Variants in SIRT1 observed in about 807,000 individuals in gnomAD.
The protein encoded by SIRT1 is sirtuin 1, also known as NAD-dependent protein deacetylase sirtuin-1.
SIRT1 carries 24 observed loss-of-function variants against 67.9 expected under a neutral mutation model. That is an observed-to-expected ratio of 0.35 (90% CI 0.26 to 0.50). The LOEUF (loss-of-function observed/expected upper bound fraction) is 0.50, where lower values mean the gene tolerates loss of function less well. SIRT1 is among the 20% of genes least tolerant of loss of function. SIRT1 has a pLI of 0.98. For synonymous variants in SIRT1, 378 were observed against 350.7 expected, an observed-to-expected ratio of 1.08 and a Z score of -0.87; for missense variants, 873 against 937.2, an observed-to-expected ratio of 0.93 and a Z score of 0.89.
At chr10:67,909,082 A>G (rs1842862032) in intron 6 of SIRT1, among the ~76,000 whole-genome samples, 174 bp from the exon 7 acceptor site, 1 of 152,066 alleles carries the variant, frequency 6.6e-6, no homozygotes, top group Non-Finnish European at 1.5e-5. Flanking sequence ...ATTGTTTCAT[A>G]GTATGTTAAT....
Position 67,899,856 on chromosome 10 carries a change from G to A in SIRT1, c.943-6934G>A, listed in dbSNP as rs1323306911. 7.2e-5 allele frequency among the ~76,000 whole-genome samples: 11 copies of A among 152,086 alleles called. No homozygotes were observed. In the South Asian group the frequency reaches 1.2e-3, roughly 17 times the overall value. On this transcript the variant is annotated intron_variant, in intron 4 of 8. Coordinates refer to ENST00000212015, the MANE Select transcript of SIRT1 (RefSeq NM_012238.5). Reference sequence around the variant, plus strand: ...ACCCAGCACTTTGGGAGGCCGAGGCGGGTGGATCACTTGAGGTAGGAGTTT... The same window carrying A: ...ACCCAGCACTTTGGGAGGCCGAGGCAGGTGGATCACTTGAGGTAGGAGTTT...
chr10:67,910,811 G>A (rs997906714), intron 7 of SIRT1, among the ~76,000 whole-genome samples: 9 of 152,136 alleles, frequency 5.9e-5, no homozygotes, highest in Non-Finnish European at 1.2e-4. Context: ...CATACTGTCT[G>A]TTTCCTCCTC....
At chr10:67,893,974 C>T (rs1842614248) in intron 4 of SIRT1, among the ~76,000 whole-genome samples, 1 of 151,968 alleles carries the variant, frequency 6.6e-6, no homozygotes, top group South Asian at 2.1e-4. Context: ...TGGCGACTGT[C>T]TTTAAAAAAA....
At chr10:67,912,402 T>C in intron 7 of SIRT1, 72 bp from the exon 8 acceptor site, 4 of 1,347,868 alleles carry the variant, frequency 3.0e-6, no homozygotes, top group Non-Finnish European at 4.1e-6. Context: ...TTTTGCATAA[T>C]GTATCTGTTG....
At chr10:67,895,320 G>A (rs1018850876) in intron 4 of SIRT1, among the ~76,000 whole-genome samples, 1 of 152,156 alleles carries the variant, frequency 6.6e-6, no homozygotes, top group Admixed American at 6.6e-5. Flanking sequence ...TACGCAGGAG[G>A]CTGAGACGGG....
chr10:67,910,545 G>T (rs542682957), intron 7 of SIRT1, among the ~76,000 whole-genome samples: 25 of 152,176 alleles, frequency 1.6e-4, no homozygotes, highest in African/African-American at 5.1e-4. Flanking sequence ...TATATTTTTT[G>T]ATTACAGTTT....
At chr10:67,897,734 G>A (rs568895368) in intron 4 of SIRT1, among the ~76,000 whole-genome samples, 1 of 151,940 alleles carries the variant, frequency 6.6e-6, no homozygotes, top group South Asian at 2.1e-4. Flanking sequence ...CTGACCTCAG[G>A]TGATCCACCC....
In SIRT1 at chr10:67,891,475, C is replaced by T; in HGVS notation, c.863C>T (p.Pro288Leu). The T allele has an allele frequency of 6.2e-7, 1 of 1,614,074 alleles. No homozygotes were observed. The highest frequency in any genetic ancestry group is 8.5e-7 in the Non-Finnish European group (1 of 1,179,962). Residue 288 changes from proline to leucine, a missense_variant, in exon 4 of 9, where the codon CCA becomes CTA. Coordinates refer to ENST00000212015, the MANE Select transcript of SIRT1 (RefSeq NM_012238.5). Reference sequence around the variant, plus strand: ...TATGCTCGCCTTGCTGTAGACTTCCCAGATCTTCCAGATCCTCAAGCGATG... The same window carrying T: ...TATGCTCGCCTTGCTGTAGACTTCCTAGATCTTCCAGATCCTCAAGCGATG... ...GIYARLAVDF[P>L]DLPDPQAMFD...
At chr10:67,893,388 A>G (rs534231961) in intron 4 of SIRT1, among the ~76,000 whole-genome samples, 9 of 152,128 alleles carry the variant, frequency 5.9e-5, no homozygotes, top group African/African-American at 1.4e-4. Context: ...ATGAGTGAGG[A>G]CATGTGGTGT....
chr10:67,898,453 A>G (rs1313452123), intron 4 of SIRT1, among the ~76,000 whole-genome samples: 4 of 152,170 alleles, frequency 2.6e-5, no homozygotes, highest in Non-Finnish European at 5.9e-5. Flanking sequence ...TCAAAAAATT[A>G]TTACTTTATT....
intron 4 of SIRT1, among the ~76,000 whole-genome samples, chr10:67,898,562 G>A (rs1341982200): frequency 6.6e-6 from 1 of 152,108 alleles, no homozygotes; most frequent in Non-Finnish European, 1.5e-5. Context: ...GAAAATAGAT[G>A]GTAGTCACAG....
chr10:67,914,951 C>T (rs2029874499), intron 8 of SIRT1, among the ~76,000 whole-genome samples: 2 of 151,532 alleles, frequency 1.3e-5, no homozygotes, highest in African/African-American at 2.4e-5. Flanking sequence ...ATACCAAACT[C>T]CTGGGCTCAA....
intron 1 of SIRT1, among the ~76,000 whole-genome samples, chr10:67,885,916 G>A (rs972298435): frequency 6.7e-6 from 1 of 148,854 alleles, no homozygotes; most frequent in Non-Finnish European, 1.5e-5. Context: ...CAGATATGTT[G>A]CAGTTGTCAT....
Position 67,884,766 on chromosome 10 carries a change from C to G in SIRT1, c.45C>G (p.Pro15=). 1.6e-6 allele frequency: 2 copies of G among 1,228,320 alleles called. No homozygotes were observed. The highest frequency in any genetic ancestry group is 2.0e-6 in the Non-Finnish European group (2 of 985,684). The allele number at this position is 1,228,320 out of a possible 1,614,324, so 76.1% of individuals were successfully genotyped here. A position where few individuals can be genotyped will look rare whatever the true frequency, so the allele number is the denominator to read the frequency against. Residue 15 remains proline (P), a synonymous_variant, in exon 1 of 9, where the codon CCC becomes CCG. Coordinates refer to ENST00000212015, the MANE Select transcript of SIRT1 (RefSeq NM_012238.5). Reference sequence around the variant, plus strand: ...TCGCCCTTCAGCCCGGCGGCTCCCCCTCGGCGGCGGGGGCCGACAGGGAGG... The same window carrying G: ...TCGCCCTTCAGCCCGGCGGCTCCCCGTCGGCGGCGGGGGCCGACAGGGAGG... ...AALALQPGGS[P]SAAGADREAA...
Position 67,916,525 on chromosome 10 carries a change from G to T in SIRT1, c.2176G>T (p.Ala726Ser), listed in dbSNP as rs776051187. 6.2e-7 allele frequency: 1 copy of T among 1,613,978 alleles called. No individual in the cohort carries two copies. The highest frequency in any genetic ancestry group is 1.7e-5 in the Admixed American group (1 of 59,994). ...TGGGACTGATGGAGATGATCAAGAG[G>T]CAATTAATGAAGCTATATCTGTGAA... is the stretch of plus-strand genomic sequence containing the variant. Reference protein sequence around the residue: ...GFGTDGDDQEAINEAISVKQE... With the variant: ...GFGTDGDDQESINEAISVKQE... Residue 726 changes from alanine (A) to serine (S), a missense_variant, in exon 9 of 9, where the codon GCA (alanine) becomes TCA (serine). Physicochemically the swap from Ala to Ser is moderately conservative, Grantham distance 99. Coordinates refer to ENST00000212015, the MANE Select transcript of SIRT1 (RefSeq NM_012238.5).
Position 67,885,037 on chromosome 10 carries a change from G to A in SIRT1, c.316G>A (p.Gly106Ser). 1 of 1,400,526 alleles carries A rather than the reference G, an allele frequency of 7.1e-7. No individual in the cohort carries two copies. The highest frequency in any genetic ancestry group is 9.4e-7 in the Non-Finnish European group (1 of 1,068,500). The allele number at this position is 1,400,526 out of a possible 1,614,324, so 86.8% of individuals were successfully genotyped here. A position where few individuals can be genotyped will look rare whatever the true frequency, so the allele number is the denominator to read the frequency against. The change falls in exon 1 of 9, where the codon GGC becomes AGC. Residue 106 changes from glycine to serine, a missense_variant. Around this residue, in one of 3 missense-constraint regions of SIRT1, gnomAD observed 327 missense variants for 283.9 expected, o/e 1.15. Coordinates refer to ENST00000212015, the MANE Select transcript of SIRT1 (RefSeq NM_012238.5). The stretch of plus-strand genomic sequence containing the variant: ...GGCTGGGGAAGGAGACAATGGGCCG[G>A]GCCTGCAGGGCCCATCTCGGGAGCC... ...AAAGEGDNGPGLQGPSREPPL... is the reference protein window; with the variant it reads ...AAAGEGDNGPSLQGPSREPPL...
intron 6 of SIRT1, 119 bp downstream of exon 6, chr10:67,908,244 ATAGT>A (rs535844791): frequency 1.7e-4 from 139 of 798,928 alleles, no homozygotes; most frequent in Non-Finnish European, 2.2e-4. Context: ...CAGGAAGAAA[ATAGT>A]TAGCATTTGG....
intron 5 of SIRT1, 39 bp downstream of exon 5, chr10:67,906,976 A>C: frequency 6.7e-7 from 1 of 1,501,818 alleles, no homozygotes; most frequent in Non-Finnish European, 8.9e-7. Context: ...AATTTATTTT[A>C]GTTTTATAGG....
intron 4 of SIRT1, among the ~76,000 whole-genome samples, chr10:67,897,997 G>A (rs1307622512): frequency 1.4e-5 from 2 of 138,236 alleles, no homozygotes; most frequent in Non-Finnish European, 3.1e-5. Flanking sequence ...TCGGCTGGGC[G>A]TGGTGGCTCA....
Sources: gnomAD v4.1 joint callset for allele counts (sites outside exome capture counted in the v4.1 genomes callset) on GRCh38, gnomAD v4.1.1 for gene constraint, gnomAD v4.1.1 regional missense constraint, MANE v1.5 for transcripts, NCBI Gene and HGNC (gene_info 2026-07-23, HGNC 2026-07-21) for gene names.